Variants in GOLGB1 observed in about 807,000 individuals in gnomAD.
GOLGB1 encodes the protein golgin subfamily B member 1.
In GOLGB1, 174 loss-of-function variants were observed where a neutral mutation model predicts 336.9. The ratio of observed to expected loss-of-function variants is 0.52; its 90% CI spans 0.46 to 0.59. The LOEUF is 0.59. Ranked by LOEUF, GOLGB1 falls within the 20% of genes least tolerant of loss-of-function variation. GOLGB1 has a pLI of 0.00. For missense variants in GOLGB1, 3,331 were observed against 3,645.3 expected, an observed-to-expected ratio of 0.91 and a Z score of 2.22; for synonymous variants, 1,208 against 1,289.2, an observed-to-expected ratio of 0.94 and a Z score of 1.35.
chr3:121,689,164 T>C (rs912908173), intron 14 of GOLGB1, among the ~76,000 whole-genome samples: 7 of 152,218 alleles, frequency 4.6e-5, no homozygotes, highest in East Asian at 1.9e-4. Flanking sequence ...CAGCAGCTCA[T>C]TGAGAACGGG....
In GOLGB1 at chr3:121,744,339, G is replaced by T. The variant is rs570210522; in HGVS notation, c.-3+5293C>A. Among the ~76,000 whole-genome samples, 4 of 151,344 alleles carry T rather than the reference G, an allele frequency of 2.6e-5. No individual in the cohort carries two copies. In the South Asian group the frequency reaches 8.3e-4, roughly 31 times the overall value. On this transcript the variant is annotated intron_variant, in intron 1 of 21. Coordinates refer to ENST00000614479, the MANE Select transcript of GOLGB1 (RefSeq NM_001366282.2). ...AATACAATAGCAGTCAGGCAGGGTG[G>T]CTCACGCCTGTAATCCCAGCACCTT... is the stretch of plus-strand genomic sequence containing the variant.
At chr3:121,745,603 T>G (rs972935820) in intron 1 of GOLGB1, among the ~76,000 whole-genome samples, 2 of 152,026 alleles carry the variant, frequency 1.3e-5, no homozygotes. Flanking sequence ...TAAAGGGGAA[T>G]AGTCATATTC....
chr3:121,711,712 AAT>A (rs948744606), intron 10 of GOLGB1, among the ~76,000 whole-genome samples: 2 of 152,196 alleles, frequency 1.3e-5, no homozygotes, highest in African/African-American at 2.4e-5. Context: ...ATGAAATAAA[AAT>A]AATTCCATCT....
At position 121,697,108 on chromosome 3, in the gene GOLGB1, C is replaced by G. The variant is rs142990276; in HGVS notation, c.3415G>C (p.Asp1139His). The G allele has an allele frequency of 1.2e-6, 2 of 1,614,146 alleles. No individual in the cohort carries two copies. Among genetic ancestry groups the G allele is most frequent in the Non-Finnish European group, 1.7e-6 (2 of 1,179,996 alleles). The change falls in exon 13 of 22, where the codon GAT becomes CAT. Residue 1139 changes from aspartate to histidine, a missense_variant. Transcript: ENST00000614479. ...KLITSNTDAS[D>H]GDSVALVKET... The stretch of plus-strand genomic sequence containing the variant: ...TTTACAAGTGCTACGGAGTCCCCAT[C>G]ACTTGCATCCGTGTTACTTGTGATT...
chr3:121,721,339 C>A (rs1409868955), intron 6 of GOLGB1, among the ~76,000 whole-genome samples: 2 of 151,882 alleles, frequency 1.3e-5, no homozygotes, highest in African/African-American at 4.8e-5. Context: ...CCACCGCTGC[C>A]CCCACCCCCC....
Position 121,692,253 on chromosome 3 carries a change from A to G in GOLGB1, c.7111T>C (p.Ser2371Pro). Residue 2371 changes from serine (S) to proline (P), a missense_variant, in exon 14 of 22, where the codon TCC (serine) becomes CCC (proline). Physicochemically the swap from Ser to Pro is moderately conservative, Grantham distance 74 (BLOSUM62 -1). Coordinates refer to ENST00000614479, the MANE Select transcript of GOLGB1 (RefSeq NM_001366282.2). ...YEQLETDLQA[S>P]RELTSRLHEE... ...TGCAGCCTACTGGTCAGTTCTCTGG[A>G]GGCCTGAAGATCAGTCTCCAGTTGT... is the stretch of plus-strand genomic sequence containing the variant. The G allele has an allele frequency of 6.2e-7, 1 of 1,603,396 alleles. No homozygotes were observed. Among genetic ancestry groups the G allele is most frequent in the Non-Finnish European group, 8.5e-7 (1 of 1,177,202 alleles).
chr3:121,741,486 T>C (rs1346127776), intron 1 of GOLGB1, among the ~76,000 whole-genome samples: 3 of 152,238 alleles, frequency 2.0e-5, no homozygotes, highest in African/African-American at 7.2e-5. Context: ...CATACCATCC[T>C]GAACACACCC....
intron 1 of GOLGB1, among the ~76,000 whole-genome samples, chr3:121,747,287 A>ATATATATGTGTATATATGTATATATG (rs1479131435): frequency 9.1e-6 from 1 of 110,056 alleles, no homozygotes; most frequent in Non-Finnish European, 1.9e-5. Flanking sequence ...GTATATATGT[A>ATATATATGTGTATATATGTATATATG]TATATATGTG....
rs1386087741 is a variant in GOLGB1, at chr3:121,664,249, AG to A, written c.*230del. 2 of 525,952 alleles carry A rather than the reference AG, an allele frequency of 3.8e-6. No homozygotes were observed. The highest frequency in any genetic ancestry group is 6.8e-6 in the Non-Finnish European group (2 of 292,204). The allele number at this position is 525,952 out of a possible 1,614,324, so 32.6% of individuals were successfully genotyped here. ...GCTCAACAAACCAAATGTGATTCTC[AG>A]ATTAAGCAGAAGCGTTCAGGCTCAG... is the stretch of plus-strand genomic sequence containing the variant. On this transcript the variant is annotated 3_prime_UTR_variant, in exon 22 of 22. Transcript: ENST00000614479.
chr3:121,693,717 A>T, intron 13 of GOLGB1, 24 bp downstream of exon 13: 1 of 1,535,468 alleles, frequency 6.5e-7, no homozygotes, highest in Non-Finnish European at 8.9e-7. Context: ...CCTCTGGAGG[A>T]GGAAAAATTC....
chr3:121,732,933 A>C (rs1017900095), intron 1 of GOLGB1, among the ~76,000 whole-genome samples: 12 of 152,222 alleles, frequency 7.9e-5, no homozygotes, highest in Admixed American at 2.6e-4. Context: ...AAACTGTCTC[A>C]ACTAGCAAAA....
At position 121,729,955 on chromosome 3, in the gene GOLGB1, G is replaced by A; in HGVS notation, c.159C>T (p.Arg53=). The change falls in exon 3 of 22, where the codon CGC becomes CGT. Residue 53 remains arginine, a synonymous_variant. Transcript: ENST00000614479. Reference sequence around the variant, plus strand: ...CCACCAATTGCTCTGCATAAGCCAGGCGCTCCTGAACATCTTCTTGTGTAG... The same window carrying A: ...CCACCAATTGCTCTGCATAAGCCAGACGCTCCTGAACATCTTCTTGTGTAG... The part of the protein sequence containing the change: ...NNTTQEDVQE[R]LAYAEQLVVE... 1.9e-6 allele frequency: 3 copies of A among 1,609,130 alleles called. No homozygotes were observed. Among genetic ancestry groups the A allele is most frequent in the Non-Finnish European group, 2.6e-6 (3 of 1,175,602 alleles).
At chr3:121,712,185 G>A (rs1174231283) in intron 10 of GOLGB1, among the ~76,000 whole-genome samples, 2 of 152,082 alleles carry the variant, frequency 1.3e-5, no homozygotes, top group Non-Finnish European at 2.9e-5. Flanking sequence ...TGCAACAAAG[G>A]TACCAAAAGA....
At chr3:121,685,738 A>G (rs1489286898) in intron 14 of GOLGB1, among the ~76,000 whole-genome samples, 1 of 152,156 alleles carries the variant, frequency 6.6e-6, no homozygotes, top group Non-Finnish European at 1.5e-5. Flanking sequence ...AATAAGCTAA[A>G]AGGGTTGAAA....
rs1158267275 is a variant in GOLGB1, at chr3:121,692,600, C to T, written c.6783-19G>A. 1 of 1,414,854 alleles carries T rather than the reference C, an allele frequency of 7.1e-7. No homozygotes were observed. Among genetic ancestry groups the T allele is most frequent in the East Asian group, 2.3e-5 (1 of 43,450 alleles). 87.6% of individuals were successfully genotyped at this position (1,414,854 alleles called of 1,614,324 possible). On this transcript the variant is annotated intron_variant, in intron 13 of 21. Transcript: ENST00000614479. ...TTCAAGCCTGAAACAGAGAGAAGGTCATTAGTTACAGATTTCAAGAAAAAA... is the reference window on the plus strand; with the variant it reads ...TTCAAGCCTGAAACAGAGAGAAGGTTATTAGTTACAGATTTCAAGAAAAAA...
At chr3:121,682,034 A>C (rs891752485) in intron 14 of GOLGB1, among the ~76,000 whole-genome samples, 169 bp from the exon 15 acceptor site, 1 of 152,258 alleles carries the variant, frequency 6.6e-6, no homozygotes, top group African/African-American at 2.4e-5. Flanking sequence ...AGTGAAATAC[A>C]TGCAGCTAGG....
chr3:121,694,244 T>C lies in GOLGB1; in HGVS notation c.6279A>G (p.Gln2093=), dbSNP rs769480886. 5 of 1,610,758 alleles carry C rather than the reference T, an allele frequency of 3.1e-6. No individual in the cohort carries two copies. The highest frequency in any genetic ancestry group is 2.5e-6 in the Non-Finnish European group (3 of 1,180,002). The change falls in exon 13 of 22, where the codon CAA becomes CAG. Residue 2093 remains glutamine (Q), a synonymous_variant. Coordinates refer to ENST00000614479, the MANE Select transcript of GOLGB1 (RefSeq NM_001366282.2). ...CTGCTAGGACCCTTGCTGCTTCACT[T>C]TGAGTGTCATCTAGCAGGACTTTGA... ...ASFKVLLDDT[Q]SEAARVLADN... is the part of the protein sequence containing the mutation.
Position 121,692,409 on chromosome 3 carries a change from G to A in GOLGB1, c.6955C>T (p.Leu2319Phe), listed in dbSNP as rs769851315. ...QNELAKLESE[L>F]KSLKDQLTDL... ...GTCAACTGGTCTTTGAGACTCTTAA[G>A]TTCTGATTCCAACTTAGCTAATTCA... The change falls in exon 14 of 22, where the codon CTT becomes TTT. Residue 2319 changes from leucine to phenylalanine, a missense_variant. Transcript: ENST00000614479. 5.6e-6 allele frequency: 9 copies of A among 1,613,544 alleles called. No individual in the cohort carries two copies. Among genetic ancestry groups the A allele is most frequent in the African/African-American group, 4.0e-5 (3 of 74,868 alleles).
At chr3:121,679,039 T>C (rs1940754520) in intron 15 of GOLGB1, among the ~76,000 whole-genome samples, 1 of 152,228 alleles carries the variant, frequency 6.6e-6, no homozygotes, top group Non-Finnish European at 1.5e-5. Context: ...TCTTCTGCCA[T>C]GATAGCATTA....
Sources: allele counts gnomAD v4.1 joint callset (sites outside exome capture counted in the v4.1 genomes callset), GRCh38; gene constraint gnomAD v4.1.1; transcripts MANE v1.5; gene names NCBI Gene and HGNC (gene_info 2026-07-23, HGNC 2026-07-21).